The following CPEB1 variants were observed in gnomAD, a reference collection of about 807,000 sequenced individuals.
CPEB1 encodes cytoplasmic polyadenylation element-binding protein 1.
A neutral mutation model predicts 65.8 loss-of-function variants in CPEB1; 7 were observed. That is an observed-to-expected ratio of 0.11 (90% CI 0.06 to 0.20). The LOEUF (loss-of-function observed/expected upper bound fraction) is 0.20. Ranked by LOEUF, CPEB1 falls within the 10% of genes least tolerant of loss-of-function variation. The pLI is 1.00. For missense variants in CPEB1, 551 were observed against 712.2 expected, an observed-to-expected ratio of 0.77 and a Z score of 2.58; for synonymous variants, 262 against 260.0, an observed-to-expected ratio of 1.01 and a Z score of -0.08.
At chr15:82,569,865 C>T (rs146149438) in intron 4 of CPEB1, among the ~76,000 whole-genome samples, 20 of 152,238 alleles carry the variant, frequency 1.3e-4, no homozygotes, top group East Asian at 7.7e-4. Context: ...TGCTCAGATA[C>T]GGTGGAAGTG....
At chr15:82,583,153 A>G (rs760718444) in intron 3 of CPEB1, among the ~76,000 whole-genome samples, 30 of 152,202 alleles carry the variant, frequency 2.0e-4, no homozygotes, top group Non-Finnish European at 3.1e-4. Flanking sequence ...TTCAAAGGCG[A>G]TAATTTTACT....
rs150574723 is a variant in CPEB1, at chr15:82,575,946, ATTATC to A, written c.272-4419_272-4415del. Reference sequence around the variant, plus strand: ...CCCATTTCTTACACAACTAACACATATTATCTTATGACCCAGAAATTCTACTCCTA... The same window carrying A: ...CCCATTTCTTACACAACTAACACATATTATGACCCAGAAATTCTACTCCTA... On this transcript the variant is annotated intron_variant, in intron 3 of 12. Transcript: ENST00000684509. Among the ~76,000 whole-genome samples the A allele has an allele frequency of 6.0e-4, 91 of 152,316 alleles. 1 individual carries two copies. Among genetic ancestry groups the A allele is most frequent in the African/African-American group, 2.1e-3 (87 of 41,572 alleles).
chr15:82,610,916 C>T (rs749191187), intron 3 of CPEB1, among the ~76,000 whole-genome samples: 1 of 132,206 alleles, frequency 7.6e-6, no homozygotes, highest in African/African-American at 2.9e-5. Flanking sequence ...CAAGATCACG[C>T]CACTGCACTT....
chr15:82,601,679 T>A (rs2043130578), intron 3 of CPEB1, among the ~76,000 whole-genome samples: 1 of 152,150 alleles, frequency 6.6e-6, no homozygotes, highest in South Asian at 2.1e-4. Flanking sequence ...ATTGACAGGT[T>A]GAAAAACATG....
chr15:82,599,600 G>A (rs1344231426), intron 3 of CPEB1, among the ~76,000 whole-genome samples: 1 of 152,122 alleles, frequency 6.6e-6, no homozygotes, highest in Non-Finnish European at 1.5e-5. Context: ...GAACACAAAA[G>A]TCATTTTTAG....
At chr15:82,550,469 C>T (rs182755236) in intron 9 of CPEB1, among the ~76,000 whole-genome samples, 1 of 152,206 alleles carries the variant, frequency 6.6e-6, no homozygotes, top group Non-Finnish European at 1.5e-5. Context: ...GATTCTTCAA[C>T]AGAAGAGTCT....
chr15:82,632,261 C>T (rs1263267561), intron 1 of CPEB1, among the ~76,000 whole-genome samples: 3 of 152,134 alleles, frequency 2.0e-5, no homozygotes, highest in East Asian at 3.9e-4. Context: ...GGATTACAGG[C>T]GTGAGCCACT....
intron 3 of CPEB1, among the ~76,000 whole-genome samples, chr15:82,611,198 C>G (rs1311788737): frequency 6.6e-6 from 1 of 151,580 alleles, no homozygotes; most frequent in Non-Finnish European, 1.5e-5. Flanking sequence ...AGATGATACA[C>G]CCAGAAGGCA....
At chr15:82,634,599 C>G (rs1203831158) in intron 1 of CPEB1, among the ~76,000 whole-genome samples, 1 of 152,132 alleles carries the variant, frequency 6.6e-6, no homozygotes, top group African/African-American at 2.4e-5. Context: ...TTGAAGGGCC[C>G]AAGGTTTACT....
intron 9 of CPEB1, among the ~76,000 whole-genome samples, chr15:82,551,341 C>G (rs1358987268): frequency 6.6e-6 from 1 of 152,154 alleles, no homozygotes; most frequent in African/African-American, 2.4e-5. Flanking sequence ...TCTCTGCCCC[C>G]ACACTTGCGT....
At chr15:82,629,658 G>T (rs1002649864) in intron 1 of CPEB1, 2 of 979,374 alleles carry the variant, frequency 2.0e-6, no homozygotes, top group African/African-American at 3.5e-5. Context: ...TTTAAGGGGA[G>T]CCTGCCTCAT....
At chr15:82,616,453 TA>T (rs1188254820) in intron 3 of CPEB1, among the ~76,000 whole-genome samples, 1 of 152,110 alleles carries the variant, frequency 6.6e-6, no homozygotes, top group Non-Finnish European at 1.5e-5. Flanking sequence ...ATTGTCTGAA[TA>T]AAGGTCTGAA....
At chr15:82,554,105 G>C in intron 6 of CPEB1, 114 bp from the exon 7 acceptor site, 1 of 597,618 alleles carries the variant, frequency 1.7e-6, no homozygotes, top group South Asian at 2.4e-5. Context: ...TCCTTGCCCA[G>C]ATGCCTGAGA....
chr15:82,547,001 CA>C (rs1353227323), intron 11 of CPEB1, 141 bp downstream of exon 11: 3 of 612,792 alleles, frequency 4.9e-6, no homozygotes, highest in Non-Finnish European at 8.7e-6. Context: ...ACCCTAACCT[CA>C]ATGTTAATTC....
intron 3 of CPEB1, among the ~76,000 whole-genome samples, chr15:82,590,723 C>T (rs1398895300): frequency 6.6e-6 from 1 of 152,116 alleles, no homozygotes; most frequent in Non-Finnish European, 1.5e-5. Context: ...TCTTTGTGTC[C>T]ATATGTCCTT....
chr15:82,604,066 A>C (rs551902782), intron 3 of CPEB1, among the ~76,000 whole-genome samples: 9 of 152,240 alleles, frequency 5.9e-5, no homozygotes, highest in Non-Finnish European at 2.9e-5. Context: ...AAAGGATACC[A>C]TATCTGGCTG....
At chr15:82,610,334 G>C (rs544832950) in intron 3 of CPEB1, among the ~76,000 whole-genome samples, 1 of 152,052 alleles carries the variant, frequency 6.6e-6, no homozygotes, top group Non-Finnish European at 1.5e-5. Flanking sequence ...AAGCAGACGA[G>C]GAGGGAACAC....
intron 3 of CPEB1, among the ~76,000 whole-genome samples, chr15:82,602,765 G>C (rs1159327958): frequency 6.6e-6 from 1 of 152,154 alleles, no homozygotes; most frequent in Admixed American, 6.5e-5. Flanking sequence ...AGAATCGCTT[G>C]AACCCGGGAG....
chr15:82,573,208 A>G, intron 3 of CPEB1: 1 of 1,478,052 alleles, frequency 6.8e-7, no homozygotes, highest in Non-Finnish European at 9.0e-7. Flanking sequence ...CTAGAAGGGA[A>G]AATTATCAGT....
Sources: allele counts gnomAD v4.1 joint callset (sites outside exome capture counted in the v4.1 genomes callset), GRCh38; gene constraint gnomAD v4.1.1; transcripts MANE v1.5; gene names NCBI Gene and HGNC (gene_info 2026-07-23, HGNC 2026-07-21).